Variants in SUFU observed in about 807,000 individuals in gnomAD.
SUFU encodes the protein SUFU negative regulator of hedgehog signaling.
SUFU carries 7 observed loss-of-function variants against 58.9 expected under a neutral mutation model. The observed-to-expected ratio is 0.12, with a 90% CI of 0.07 to 0.22. SUFU has a LOEUF of 0.22. Among genes scored for constraint, SUFU ranks in the 10% least tolerant of loss-of-function variants. The pLI is 1.00. For missense variants in SUFU, 451 were observed against 641.3 expected (o/e 0.70, Z 3.20); for synonymous variants, 232 against 254.8 (o/e 0.91, Z 0.85).
At chr10:102,578,917 G>T (rs1009102256) in intron 3 of SUFU, among the ~76,000 whole-genome samples, 6 of 151,870 alleles carry the variant, frequency 4.0e-5, no homozygotes, top group African/African-American at 1.5e-4. Flanking sequence ...GCTCTGCCTT[G>T]TGTGTAGGTG....
chr10:102,619,561 C>T lies in SUFU; in HGVS notation c.1296+2133C>T, dbSNP rs2063722604. ...GCTGGCGGAGGCCCCACACCCCAAG[C>T]ACCCACCCTTGATCACCGAGGGGTT... On this transcript the variant is annotated intron_variant, in intron 10 of 11. Coordinates refer to ENST00000369902, the MANE Select transcript of SUFU (RefSeq NM_016169.4). This position sits in a 1 kb window ranked among gnomAD's most constrained non-coding sequence, Gnocchi z 4.2. 4.9e-6 allele frequency: 5 copies of T among 1,011,900 alleles called. No individual in the cohort carries two copies. The South Asian group carries it at 1.2e-4, about 25-fold the overall frequency. 62.7% of individuals were successfully genotyped at this position (1,011,900 alleles called of 1,614,324 possible).
intron 2 of SUFU, among the ~76,000 whole-genome samples, chr10:102,513,674 T>G (rs1445047222): frequency 2.0e-5 from 3 of 152,208 alleles, no homozygotes; most frequent in African/African-American, 7.2e-5. Context: ...AGGTAGCGTT[T>G]GAGAGGAACC....
In SUFU at chr10:102,630,179, C is replaced by T. The variant is rs1350301710; in HGVS notation, c.*24C>T. 1.3e-6 allele frequency: 2 copies of T among 1,596,422 alleles called. No individual in the cohort carries two copies. Among genetic ancestry groups the T allele is most frequent in the Non-Finnish European group, 8.6e-7 (1 of 1,164,178 alleles). ...AGCCTGGGCTGGGCCCTGCAGTGGCCAGCAGGGAGCCCAGCTGCTCCCCAG... is the reference window on the plus strand; with the variant it reads ...AGCCTGGGCTGGGCCCTGCAGTGGCTAGCAGGGAGCCCAGCTGCTCCCCAG... On this transcript the variant is annotated 3_prime_UTR_variant, in exon 12 of 12. Transcript: ENST00000369902.
chr10:102,620,697 G>A (rs1387639170), intron 10 of SUFU, among the ~76,000 whole-genome samples: 2 of 152,178 alleles, frequency 1.3e-5, no homozygotes, highest in African/African-American at 4.8e-5. Context: ...GGCCTGCCAA[G>A]GTCTGCTCCT....
Position 102,560,909 on chromosome 10 carries a change from C to T in SUFU, c.454+10803C>T, listed in dbSNP as rs554751152. 2.0e-5 allele frequency among the ~76,000 whole-genome samples: 3 copies of T among 152,118 alleles called. No homozygotes were observed. In the South Asian group the frequency reaches 6.2e-4, roughly 32 times the overall value. ...CTGGAGTGCAATGGCGCGATCTCGG[C>T]TCACCGCATCCTCCGCCTCCCAGGT... On this transcript the variant is annotated intron_variant, in intron 3 of 11. Transcript: ENST00000369902.
chr10:102,545,291 G>GTTTT (rs1424366245), intron 2 of SUFU, among the ~76,000 whole-genome samples: 1 of 87,384 alleles, frequency 1.1e-5, no homozygotes, highest in Non-Finnish European at 2.4e-5. Context: ...GCTAATTTTT[G>GTTTT]TATTTTTTTT....
intron 2 of SUFU, 152 bp from the exon 3 acceptor site, chr10:102,549,818 C>G: frequency 1.0e-6 from 1 of 964,930 alleles, no homozygotes; most frequent in Non-Finnish European, 1.6e-6. Context: ...TCTCAGGTTC[C>G]CTCCCCACAA....
At chr10:102,568,500 T>C (rs916209269) in intron 3 of SUFU, among the ~76,000 whole-genome samples, 2 of 152,178 alleles carry the variant, frequency 1.3e-5, no homozygotes, top group African/African-American at 4.8e-5. Context: ...ATACAAAAAA[T>C]AGGCAGTTGT....
At chr10:102,573,991 T>C (rs952770664) in intron 3 of SUFU, among the ~76,000 whole-genome samples, 1 of 152,182 alleles carries the variant, frequency 6.6e-6, no homozygotes, top group African/African-American at 2.4e-5. Flanking sequence ...TGTATTTTAC[T>C]ACAACTAAAA....
chr10:102,592,509 T>G, intron 3 of SUFU, 73 bp from the exon 4 acceptor site: 5 of 1,579,806 alleles, frequency 3.2e-6, no homozygotes, highest in Non-Finnish European at 3.5e-6. Flanking sequence ...CCTGGGCTAG[T>G]GAGATCCCAG....
intron 2 of SUFU, among the ~76,000 whole-genome samples, chr10:102,547,113 G>A (rs1428600201): frequency 1.3e-5 from 2 of 152,194 alleles, no homozygotes; most frequent in East Asian, 1.9e-4. Context: ...AATCATGTAC[G>A]TTTCTTGGCC....
chr10:102,548,367 T>C (rs2062875596), intron 2 of SUFU, among the ~76,000 whole-genome samples: 1 of 152,094 alleles, frequency 6.6e-6, no homozygotes, highest in Non-Finnish European at 1.5e-5. Flanking sequence ...CTTGGGAATC[T>C]CTTTCTATCC....
intron 3 of SUFU, among the ~76,000 whole-genome samples, chr10:102,557,080 C>CA (rs911070742): frequency 8.0e-5 from 12 of 149,716 alleles, no homozygotes; most frequent in Middle Eastern, 3.4e-3. Context: ...GACTCCCTCT[C>CA]AAAAAAAAAG....
chr10:102,515,004 C>T (rs1042563276), intron 2 of SUFU, among the ~76,000 whole-genome samples: 2 of 152,226 alleles, frequency 1.3e-5, no homozygotes, highest in Non-Finnish European at 2.9e-5. Flanking sequence ...TGCCTCACCA[C>T]CATGGGTGAT....
At chr10:102,576,970 G>A (rs1248923511) in intron 3 of SUFU, among the ~76,000 whole-genome samples, 1 of 152,008 alleles carries the variant, frequency 6.6e-6, no homozygotes, top group Non-Finnish European at 1.5e-5. Flanking sequence ...CTCAGCTGTG[G>A]GATTGCAGGT....
chr10:102,535,866 A>G (rs1429507488), intron 2 of SUFU, among the ~76,000 whole-genome samples: 1 of 152,128 alleles, frequency 6.6e-6, no homozygotes, highest in Non-Finnish European at 1.5e-5. Flanking sequence ...TGCACGCTAG[A>G]CCTGCAGATA....
chr10:102,583,158 T>C (rs551695902), intron 3 of SUFU, among the ~76,000 whole-genome samples: 1 of 152,332 alleles, frequency 6.6e-6, no homozygotes, highest in East Asian at 1.9e-4. Context: ...GACTCAAGAA[T>C]GAACTCATTG....
Position 102,631,851 on chromosome 10 carries a change from T to G in SUFU, c.*1696T>G, listed in dbSNP as rs924265524. 4 of 233,238 alleles carry G rather than the reference T, an allele frequency of 1.7e-5. No homozygotes were observed. The highest frequency in any genetic ancestry group is 2.5e-5 in the Non-Finnish European group (3 of 118,122). 14.4% of individuals were successfully genotyped at this position (233,238 alleles called of 1,614,324 possible). A position where few individuals can be genotyped will look rare whatever the true frequency, so the allele number is the denominator to read the frequency against. On this transcript the variant is annotated 3_prime_UTR_variant, in exon 12 of 12. Coordinates refer to ENST00000369902, the MANE Select transcript of SUFU (RefSeq NM_016169.4). ...AAAAGGCATATCAGCCTGGAGTATT[T>G]GGGAGAGACTGGCTGCAGATCCCCG...
intron 10 of SUFU, among the ~76,000 whole-genome samples, chr10:102,622,729 G>A (rs567932697): frequency 6.6e-6 from 1 of 151,948 alleles, no homozygotes; most frequent in Non-Finnish European, 1.5e-5. Flanking sequence ...TGAGGCAGGA[G>A]AATGGCATGA....
Sources: gnomAD v4.1 joint callset for allele counts (sites outside exome capture counted in the v4.1 genomes callset) on GRCh38, gnomAD v4.1.1 for gene constraint, Gnocchi (gnomAD v3.1) non-coding constraint, MANE v1.5 for transcripts, NCBI Gene and HGNC (gene_info 2026-07-23, HGNC 2026-07-21) for gene names.